SLC9A9: variants seen among roughly 807,000 people sequenced by gnomAD.
SLC9A9 encodes the protein sodium/hydrogen exchanger 9.
A neutral mutation model predicts 77.8 loss-of-function variants in SLC9A9; 62 were observed. That is an observed-to-expected ratio of 0.80 (90% CI 0.65 to 0.98). SLC9A9 has a LOEUF of 0.98. Among genes scored for constraint, SLC9A9 ranks in the 50% least tolerant of loss-of-function variants. The probability of loss-of-function intolerance (pLI) is 0.00; values close to 1 mark genes in which losing one functional copy is unlikely to be tolerated. For synonymous variants in SLC9A9, 320 were observed against 283.5 expected (o/e 1.13, Z -1.29); for missense variants, 775 against 774.9 (o/e 1.00, Z 0.00).
chr3:143,656,878 C>T (rs530473603), intron 5 of SLC9A9, among the ~76,000 whole-genome samples: 2 of 152,122 alleles, frequency 1.3e-5, no homozygotes, highest in East Asian at 1.9e-4. Flanking sequence ...TTCTCATAAA[C>T]GAGGTAGCAT....
chr3:143,569,383 A>G (rs540822083), intron 8 of SLC9A9, among the ~76,000 whole-genome samples: 6 of 151,956 alleles, frequency 3.9e-5, no homozygotes. Context: ...GTGCACATAC[A>G]TAGACATTTT....
chr3:143,634,203 A>C (rs1173850198), intron 6 of SLC9A9, among the ~76,000 whole-genome samples: 2 of 151,520 alleles, frequency 1.3e-5, no homozygotes, highest in African/African-American at 4.9e-5. Flanking sequence ...CGATGATTCC[A>C]AATGAAACTT....
At chr3:143,690,382 A>G (rs1044593243) in intron 5 of SLC9A9, among the ~76,000 whole-genome samples, 1 of 152,104 alleles carries the variant, frequency 6.6e-6, no homozygotes, top group African/African-American at 2.4e-5. Flanking sequence ...ACAATTGACA[A>G]TCCAGCAGCA....
At chr3:143,299,092 T>C (rs144135569) in intron 14 of SLC9A9, among the ~76,000 whole-genome samples, 213 of 152,302 alleles carry the variant, frequency 1.4e-3, no homozygotes, top group African/African-American at 5.0e-3. Flanking sequence ...CTCCTTTCTC[T>C]TTCTGATGTT....
intron 12 of SLC9A9, among the ~76,000 whole-genome samples, chr3:143,394,890 A>C (rs1198773285): frequency 2.0e-5 from 3 of 152,226 alleles, no homozygotes; most frequent in Non-Finnish European, 4.4e-5. Flanking sequence ...CCAACTTACA[A>C]GGGATGTGAA....
At chr3:143,560,909 G>A (rs774539373) in intron 8 of SLC9A9, among the ~76,000 whole-genome samples, 14 of 152,176 alleles carry the variant, frequency 9.2e-5, no homozygotes, top group Admixed American at 2.0e-4. Flanking sequence ...GGCCAAACGC[G>A]GTGGCTCACG....
intron 4 of SLC9A9, among the ~76,000 whole-genome samples, chr3:143,693,945 C>T (rs901076199): frequency 6.6e-6 from 1 of 152,096 alleles, no homozygotes; most frequent in African/African-American, 2.4e-5. Flanking sequence ...CTTACTGTGC[C>T]CACACCATGG....
At chr3:143,470,087 C>T (rs1016634069) in intron 11 of SLC9A9, among the ~76,000 whole-genome samples, 5 of 152,108 alleles carry the variant, frequency 3.3e-5, no homozygotes, top group African/African-American at 7.2e-5. Flanking sequence ...AGGAAACAGT[C>T]GTACAATAGA....
At chr3:143,470,322 T>C (rs1475848498) in intron 11 of SLC9A9, among the ~76,000 whole-genome samples, 1 of 151,586 alleles carries the variant, frequency 6.6e-6, no homozygotes, top group Non-Finnish European at 1.5e-5. Flanking sequence ...CTACTAAAAA[T>C]ACAAAAAATT....
At chr3:143,702,662 A>T (rs187396627) in intron 4 of SLC9A9, among the ~76,000 whole-genome samples, 1 of 152,232 alleles carries the variant, frequency 6.6e-6, no homozygotes, top group African/African-American at 2.4e-5. Context: ...AGAAGAGAAG[A>T]CTGGAAAACA....
intron 14 of SLC9A9, among the ~76,000 whole-genome samples, chr3:143,296,955 T>G (rs1188170736): frequency 2.6e-5 from 4 of 151,956 alleles, no homozygotes; most frequent in African/African-American, 9.7e-5. Flanking sequence ...TTTGCAAATA[T>G]TTTCTTCCAT....
At chr3:143,686,194 C>G (rs1233238708) in intron 5 of SLC9A9, among the ~76,000 whole-genome samples, 1 of 152,078 alleles carries the variant, frequency 6.6e-6, no homozygotes, top group Non-Finnish European at 1.5e-5. Flanking sequence ...GTTTCTTCCT[C>G]AAGTTGTATT....
At chr3:143,766,559 G>A (rs796264666) in intron 4 of SLC9A9, among the ~76,000 whole-genome samples, 7 of 151,826 alleles carry the variant, frequency 4.6e-5, no homozygotes, top group African/African-American at 1.7e-4. Flanking sequence ...GTAGGTGGAG[G>A]GTAGGCTGGA....
intron 4 of SLC9A9, among the ~76,000 whole-genome samples, chr3:143,718,711 A>C (rs1304858229): frequency 3.3e-5 from 5 of 152,178 alleles, no homozygotes; most frequent in African/African-American, 1.2e-4. Flanking sequence ...GCTCACCTGG[A>C]TCAGCCCACG....
intron 14 of SLC9A9, among the ~76,000 whole-genome samples, chr3:143,303,380 T>C (rs1419178222): frequency 6.6e-6 from 1 of 151,802 alleles, no homozygotes; most frequent in African/African-American, 2.4e-5. Flanking sequence ...TTTCTTTTTT[T>C]TTTTTTGAGG....
rs1311790646 is a variant in SLC9A9, at chr3:143,713,345, T to A, written c.534-20038A>T. ...AAAATGCCTCCTAAGATACTGGAGG[T>A]TAGAAACATGTTAGGTGGGTAAGAG... On this transcript the variant is annotated intron_variant, in intron 4 of 15. Transcript: ENST00000316549. 2.6e-5 allele frequency among the ~76,000 whole-genome samples: 4 copies of A among 152,184 alleles called. No individual in the cohort carries two copies. The East Asian group carries it at 7.7e-4, about 29-fold the overall frequency.
chr3:143,517,322 C>G, intron 9 of SLC9A9: 1 of 1,233,844 alleles, frequency 8.1e-7, no homozygotes, highest in Non-Finnish European at 1.2e-6. Flanking sequence ...TCCAGGCATG[C>G]CCCCTCCCAT....
chr3:143,344,361 A>C (rs941007859), intron 14 of SLC9A9: 5 of 152,200 alleles, frequency 3.3e-5, no homozygotes, highest in African/African-American at 4.8e-5. Context: ...TAAGCAGTCA[A>C]GACTAAAAGA....
chr3:143,431,811 C>T (rs139570736), intron 12 of SLC9A9, among the ~76,000 whole-genome samples: 4 of 152,016 alleles, frequency 2.6e-5, no homozygotes, highest in African/African-American at 9.7e-5. Context: ...TAAACTCAGC[C>T]CCTCCTACTC....
Sources: gnomAD v4.1 joint callset for allele counts (sites outside exome capture counted in the v4.1 genomes callset) on GRCh38, gnomAD v4.1.1 for gene constraint, MANE v1.5 for transcripts, NCBI Gene and HGNC (gene_info 2026-07-23, HGNC 2026-07-21) for gene names.